Variants in CCDC7 observed in about 807,000 individuals in gnomAD.
The protein encoded by CCDC7 is coiled-coil domain containing 7, also known as coiled-coil domain-containing protein 7.
A neutral mutation model predicts 196.9 loss-of-function variants in CCDC7; 183 were observed. The observed-to-expected ratio is 0.93, with a 90% CI of 0.82 to 1.05. The LOEUF is 1.05. Among genes scored for constraint, CCDC7 ranks in the 50% least tolerant of loss-of-function variants. The pLI, the probability that CCDC7 is intolerant of heterozygous loss-of-function variation, is 0.00. For missense variants in CCDC7, 1,540 were observed against 1,482.2 expected, an observed-to-expected ratio of 1.04 and a Z score of -0.64; for synonymous variants, 525 against 484.6, an observed-to-expected ratio of 1.08 and a Z score of -1.10.
At chr10:32,708,529 C>G (rs1037110095) in intron 24 of CCDC7, among the ~76,000 whole-genome samples, 1 of 152,160 alleles carries the variant, frequency 6.6e-6, no homozygotes, top group African/African-American at 2.4e-5. Flanking sequence ...TCAGAGTGAA[C>G]AGGCAACCTA....
At chr10:32,612,874 T>G (rs569708023) in intron 18 of CCDC7, among the ~76,000 whole-genome samples, 47 of 145,078 alleles carry the variant, frequency 3.2e-4, no homozygotes, top group African/African-American at 1.1e-3. Context: ...GCCTGAAATT[T>G]TCTTTGTTTT....
intron 18 of CCDC7, among the ~76,000 whole-genome samples, chr10:32,608,272 A>C (rs1365939607): frequency 6.6e-6 from 1 of 151,454 alleles, no homozygotes; most frequent in Non-Finnish European, 1.5e-5. Context: ...TTTGTCCTTT[A>C]TACTGTTTTT....
intron 29 of CCDC7, among the ~76,000 whole-genome samples, chr10:32,802,991 A>T (rs947871928): frequency 6.6e-6 from 1 of 152,238 alleles, no homozygotes. Flanking sequence ...CAACACCCTC[A>T]CAGACACACC....
intron 11 of CCDC7, among the ~76,000 whole-genome samples, chr10:32,526,750 C>G (rs550957989): frequency 3.5e-4 from 53 of 152,230 alleles, no homozygotes; most frequent in African/African-American, 1.1e-3. Flanking sequence ...CCTTGGTGCC[C>G]TATCCTACTG....
At chr10:32,632,147 G>T (rs990607971) in intron 18 of CCDC7, among the ~76,000 whole-genome samples, 8 of 139,580 alleles carry the variant, frequency 5.7e-5, no homozygotes, top group African/African-American at 1.3e-4. Context: ...TTTGGGGGGG[G>T]GGGGGTCTAA....
intron 23 of CCDC7, among the ~76,000 whole-genome samples, chr10:32,691,667 G>T (rs1223602946): frequency 6.6e-6 from 1 of 152,166 alleles, no homozygotes; most frequent in Non-Finnish European, 1.5e-5. Context: ...AGAGACAGCG[G>T]AATGGCTCAA....
chr10:32,635,763 C>T (rs2065528503), intron 20 of CCDC7, among the ~76,000 whole-genome samples: 2 of 151,488 alleles, frequency 1.3e-5, no homozygotes, highest in Admixed American at 1.3e-4. Flanking sequence ...TAACATTCCT[C>T]TTTGTGTTTT....
chr10:32,483,806 C>T (rs11527634), intron 8 of CCDC7, among the ~76,000 whole-genome samples: 14,318 of 151,998 alleles, frequency 0.094, 939 homozygotes, highest in East Asian at 0.33. Flanking sequence ...AGATGGTTTT[C>T]GATGTGTGGT....
intron 28 of CCDC7, among the ~76,000 whole-genome samples, chr10:32,742,671 C>T (rs1179831577): frequency 6.6e-6 from 1 of 152,150 alleles, no homozygotes; most frequent in African/African-American, 2.4e-5. Context: ...AACTTATTTT[C>T]TCACAGTTCT....
At chr10:32,555,407 A>G (rs891871133) in intron 13 of CCDC7, among the ~76,000 whole-genome samples, 1 of 151,968 alleles carries the variant, frequency 6.6e-6, no homozygotes, top group African/African-American at 2.4e-5. Flanking sequence ...CACCACACCC[A>G]GCTAATTTTT....
chr10:32,639,635 T>C (rs1448748999), intron 20 of CCDC7, among the ~76,000 whole-genome samples: 1 of 151,592 alleles, frequency 6.6e-6, no homozygotes, highest in Non-Finnish European at 1.5e-5. Flanking sequence ...TTCTGTTTTT[T>C]TTTTTTTTTT....
At chr10:32,872,030 C>T (rs572489534) in intron 41 of CCDC7, among the ~76,000 whole-genome samples, 10 of 152,136 alleles carry the variant, frequency 6.6e-5, no homozygotes, top group African/African-American at 2.4e-4. Flanking sequence ...AATATGTGGT[C>T]AATTTTGGAA....
intron 29 of CCDC7, among the ~76,000 whole-genome samples, chr10:32,790,567 C>G (rs1565511438): frequency 6.6e-6 from 1 of 152,208 alleles, no homozygotes; most frequent in Non-Finnish European, 1.5e-5. Flanking sequence ...AGTCACTACT[C>G]TGGGTTACCT....
chr10:32,815,097 C>T (rs1371666156), intron 31 of CCDC7, among the ~76,000 whole-genome samples: 2 of 152,050 alleles, frequency 1.3e-5, no homozygotes, highest in African/African-American at 4.8e-5. Context: ...CAAACAAAAA[C>T]AACAAGCCCC....
intron 11 of CCDC7, among the ~76,000 whole-genome samples, chr10:32,539,937 A>AT (rs1196207652): frequency 9.9e-5 from 15 of 151,706 alleles, no homozygotes; most frequent in Admixed American, 3.9e-4. Flanking sequence ...TGCCAGTTAG[A>AT]TTTTTTGGAG....
intron 11 of CCDC7, among the ~76,000 whole-genome samples, chr10:32,524,554 T>C (rs1482221154): frequency 2.0e-5 from 3 of 152,216 alleles, no homozygotes; most frequent in Non-Finnish European, 4.4e-5. Flanking sequence ...GCATCTCTTA[T>C]GGGACAGGTC....
rs534524202 is a variant in CCDC7 at position 32,830,162 on chromosome 10, A to G, written c.3269-4653A>G. On this transcript the variant is annotated intron_variant, in intron 32 of 41. Transcript: ENST00000639629. ...TATATCCTATTAGTTCTTTCCCTCTAGAGAACCCTAATACATGTGTATATA... is the reference window on the plus strand; with the variant it reads ...TATATCCTATTAGTTCTTTCCCTCTGGAGAACCCTAATACATGTGTATATA... Among the ~76,000 whole-genome samples, 49 of 129,536 alleles carry G rather than the reference A, an allele frequency of 3.8e-4. 1 individual carries two copies. The highest frequency in any genetic ancestry group is 1.2e-3 in the African/African-American group (42 of 35,600). 85.0% of individuals were successfully genotyped at this position (129,536 alleles called of 152,430 possible). A position where few individuals can be genotyped will look rare whatever the true frequency, so the allele number is the denominator to read the frequency against.
chr10:32,824,540 T>G, exon 32 of CCDC7: 1 of 1,611,518 alleles, frequency 6.2e-7, no homozygotes, highest in Non-Finnish European at 8.5e-7. Flanking sequence ...GATTGCATAG[T>G]ACAACTGAGA....
At chr10:32,564,751 A>G (rs1564668229) in intron 13 of CCDC7, among the ~76,000 whole-genome samples, 1 of 152,046 alleles carries the variant, frequency 6.6e-6, no homozygotes, top group Non-Finnish European at 1.5e-5. Context: ...ATGTATACAT[A>G]TGTAACTAAC....
Sources: gnomAD v4.1 joint callset for allele counts (sites outside exome capture counted in the v4.1 genomes callset) on GRCh38, gnomAD v4.1.1 for gene constraint, MANE v1.5 for transcripts, NCBI Gene and HGNC (gene_info 2026-07-23, HGNC 2026-07-21) for gene names.